DEPTOR: variants seen among roughly 807,000 people sequenced by gnomAD.
DEPTOR encodes the protein DEP domain containing MTOR interacting protein.
Under a neutral mutation model 41.6 loss-of-function variants are expected in DEPTOR, and 41 were observed. The observed-to-expected ratio is 0.98, with a 90% confidence interval of 0.77 to 1.28. The LOEUF (loss-of-function observed/expected upper bound fraction) is 1.28. Among genes scored for constraint, DEPTOR ranks in the 50% most tolerant of loss-of-function variants. DEPTOR has a pLI of 0.00. For missense variants in DEPTOR, 514 were observed against 527.9 expected (o/e 0.97, Z 0.26); for synonymous variants, 195 against 192.3 (o/e 1.01, Z -0.12).
chr8:120,002,929 G>A, intron 5 of DEPTOR, 48 bp from the exon 6 acceptor site: 1 of 1,540,862 alleles, frequency 6.5e-7, no homozygotes, highest in East Asian at 2.5e-5. Context: ...GCTCTAGTGA[G>A]CCGAGACCAC....
intron 3 of DEPTOR, among the ~76,000 whole-genome samples, chr8:119,945,278 T>C (rs1253912053): frequency 6.6e-6 from 1 of 152,212 alleles, no homozygotes; most frequent in African/African-American, 2.4e-5. Context: ...TAGAAGATAT[T>C]GATTATTCTA....
chr8:119,957,871 G>C (rs569214366), intron 3 of DEPTOR, among the ~76,000 whole-genome samples: 1 of 152,098 alleles, frequency 6.6e-6, no homozygotes, highest in Admixed American at 6.6e-5. Context: ...TTTTACAGGC[G>C]TGAGCCCCTG....
At chr8:119,985,327 C>G (rs1169683022) in intron 4 of DEPTOR, among the ~76,000 whole-genome samples, 3 of 150,910 alleles carry the variant, frequency 2.0e-5, no homozygotes, top group Non-Finnish European at 4.4e-5. Flanking sequence ...CTTTTTTTTT[C>G]ATGTTTGTTG....
chr8:119,935,720 CAAA>C (rs1263437669), intron 3 of DEPTOR, among the ~76,000 whole-genome samples: 1 of 111,716 alleles, frequency 9.0e-6, no homozygotes, highest in Non-Finnish European at 1.9e-5. Context: ...GACTCCATCT[CAAA>C]AAAAAAAAAA....
intron 7 of DEPTOR, among the ~76,000 whole-genome samples, 187 bp downstream of exon 7, chr8:120,007,062 G>T (rs59029393): frequency 0.15 from 23,570 of 152,152 alleles, 3,005 homozygotes; most frequent in African/African-American, 0.35. Context: ...CTTCACATGC[G>T]TTATTATTAA....
intron 4 of DEPTOR, among the ~76,000 whole-genome samples, chr8:119,998,068 G>A (rs1026460471): frequency 1.3e-5 from 2 of 152,098 alleles, no homozygotes; most frequent in African/African-American, 4.8e-5. Context: ...TCAATACATG[G>A]TAGTTGAATA....
chr8:119,996,465 A>G (rs1189194883), intron 4 of DEPTOR, among the ~76,000 whole-genome samples: 1 of 152,088 alleles, frequency 6.6e-6, no homozygotes, highest in Non-Finnish European at 1.5e-5. Context: ...CACCTGTTCT[A>G]TTGGGGAGAG....
chr8:119,963,920 C>A (rs775215093), intron 3 of DEPTOR, among the ~76,000 whole-genome samples: 2 of 152,142 alleles, frequency 1.3e-5, no homozygotes, highest in Non-Finnish European at 2.9e-5. Context: ...GTAGCTTAAA[C>A]AACAAACATT....
At chr8:120,029,164 C>T (rs1014469637) in intron 8 of DEPTOR, among the ~76,000 whole-genome samples, 15 of 152,046 alleles carry the variant, frequency 9.9e-5, no homozygotes, top group Non-Finnish European at 1.9e-4. Context: ...ACACCTGGCC[C>T]GTCTAACTGC....
Position 119,928,521 on chromosome 8 carries a change from A to T in DEPTOR, c.244A>T (p.Arg82Ter). The T allele has an allele frequency of 1.2e-6, 2 of 1,614,218 alleles. No homozygotes were observed. Among genetic ancestry groups the T allele is most frequent in the Non-Finnish European group, 1.7e-6 (2 of 1,180,018 alleles). ...WLIEHKEASD[R>*]ETAIKLMQKL... ...GATTGAACACAAAGAGGCTTCTGAC[A>T]GAGAGACGGCAATTAAACTCATGCA... The change falls in exon 2 of 9, where the codon AGA becomes TGA. Residue 82 changes from arginine (R) to a stop codon, truncating the protein, a stop_gained. Transcript: ENST00000286234. LOFTEE classifies it high-confidence loss of function.
At chr8:119,976,668 C>G (rs980643028) in intron 4 of DEPTOR, among the ~76,000 whole-genome samples, 3 of 152,186 alleles carry the variant, frequency 2.0e-5, no homozygotes, top group African/African-American at 7.2e-5. Context: ...TCCCTTCCAG[C>G]CACCTATGGC....
At chr8:119,998,993 G>A (rs1812309372) in intron 4 of DEPTOR, among the ~76,000 whole-genome samples, 1 of 151,850 alleles carries the variant, frequency 6.6e-6, no homozygotes, top group Non-Finnish European at 1.5e-5. Context: ...GCCGGGCACG[G>A]AGGCTCGTGT....
intron 4 of DEPTOR, among the ~76,000 whole-genome samples, chr8:119,993,498 C>G (rs144435006): frequency 7.2e-4 from 110 of 152,300 alleles, no homozygotes; most frequent in Middle Eastern, 3.4e-3. Flanking sequence ...TCAATTACAA[C>G]TGGTAAGATC....
intron 8 of DEPTOR, among the ~76,000 whole-genome samples, chr8:120,030,444 C>T (rs1167461252): frequency 6.8e-6 from 1 of 146,230 alleles, no homozygotes; most frequent in Admixed American, 7.1e-5. Context: ...AAGAGTGACC[C>T]CAGTGTAAAC....
At chr8:119,887,127 TCCCC>T (rs1563956948) in intron 1 of DEPTOR, among the ~76,000 whole-genome samples, 1 of 5,798 alleles carries the variant, frequency 1.7e-4, no homozygotes, top group African/African-American at 7.5e-4. Flanking sequence ...CCCCCTCCCC[TCCCC>T]CCCCCCTCCC....
At chr8:119,921,387 C>G (rs1252530932) in intron 1 of DEPTOR, among the ~76,000 whole-genome samples, 1 of 152,098 alleles carries the variant, frequency 6.6e-6, no homozygotes. Context: ...AAATTTTTAT[C>G]TCTTTATTGG....
In DEPTOR at chr8:119,929,031, G is replaced by A. The variant is rs184895163; in HGVS notation, c.301+453G>A. On this transcript the variant is annotated intron_variant, in intron 2 of 8. Coordinates refer to ENST00000286234, the MANE Select transcript of DEPTOR (RefSeq NM_022783.4). Reference sequence around the variant, plus strand: ...TTGCAACTTGATCAACACACTGTGAGCTTCATCCACATTGATAGTATATGT... The same window carrying A: ...TTGCAACTTGATCAACACACTGTGAACTTCATCCACATTGATAGTATATGT... Among the ~76,000 whole-genome samples, 34 of 152,274 alleles carry A rather than the reference G, an allele frequency of 2.2e-4. 1 individual carries two copies. The highest frequency in any genetic ancestry group is 2.2e-3 in the Admixed American group (33 of 15,292).
intron 1 of DEPTOR, among the ~76,000 whole-genome samples, chr8:119,927,564 T>C (rs941938488): frequency 2.0e-5 from 3 of 147,672 alleles, no homozygotes; most frequent in Non-Finnish European, 4.5e-5. Flanking sequence ...TCAAGACACA[T>C]ATATACATAT....
chr8:119,996,812 A>G (rs1354180533), intron 4 of DEPTOR, among the ~76,000 whole-genome samples: 1 of 152,238 alleles, frequency 6.6e-6, no homozygotes, highest in Non-Finnish European at 1.5e-5. Flanking sequence ...AAATGTATAC[A>G]GGGCTATATA....
Sources: gnomAD v4.1 joint callset for allele counts (sites outside exome capture counted in the v4.1 genomes callset) on GRCh38, gnomAD v4.1.1 for gene constraint, MANE v1.5 for transcripts, NCBI Gene and HGNC (gene_info 2026-07-23, HGNC 2026-07-21) for gene names.